Variants in TOP3B observed in about 807,000 individuals in gnomAD.
TOP3B encodes the protein DNA topoisomerase III beta.
In TOP3B, 45 loss-of-function variants were observed where a neutral mutation model predicts 93.9. The ratio of observed to expected loss-of-function variants is 0.48; its 90% CI spans 0.38 to 0.61. TOP3B has a LOEUF of 0.61. TOP3B is among the 20% of genes least tolerant of loss of function. The pLI, the probability that TOP3B is intolerant of heterozygous loss-of-function variation, is 0.00. For synonymous variants in TOP3B, 357 were observed against 472.6 expected, an observed-to-expected ratio of 0.76 and a Z score of 3.17; for missense variants, 750 against 1,156.1, an observed-to-expected ratio of 0.65 and a Z score of 5.09.
At chr22:21,981,169 G>A (rs2084623378) in intron 1 of TOP3B, among the ~76,000 whole-genome samples, 1 of 152,224 alleles carries the variant, frequency 6.6e-6, no homozygotes, top group South Asian at 2.1e-4. Context: ...ATGCCACAGA[G>A]TAGTCAGCAA....
At chr22:21,967,788 A>C in intron 7 of TOP3B, 72 bp from the exon 8 acceptor site, 1 of 1,190,030 alleles carries the variant, frequency 8.4e-7, no homozygotes, top group Non-Finnish European at 1.2e-6. Context: ...AGGAAGAACC[A>C]GGACAGATGA....
intron 7 of TOP3B, chr22:21,967,937 G>A (rs2145854275): frequency 5.6e-6 from 3 of 536,912 alleles, no homozygotes; most frequent in East Asian, 3.3e-5. Context: ...TCTCAGGAAG[G>A]TGGCCCAAAG....
chr22:21,962,610 G>C lies in TOP3B; in HGVS notation c.1352-8C>G, dbSNP rs569400890. 5 of 1,608,558 alleles carry C rather than the reference G, an allele frequency of 3.1e-6. No individual in the cohort carries two copies. The South Asian group carries it at 4.4e-5, about 14-fold the overall frequency. On this transcript the variant is annotated splice_region_variant and splice_polypyrimidine_tract_variant and intron_variant, in intron 12 of 17. Transcript: ENST00000357179. ...GCATGACCTCCGTGAAGCCTGGAGA[G>C]ATATGCGCCGCCACTCAGGGTCCCC...
At chr22:21,975,594 A>G in intron 2 of TOP3B, 46 bp downstream of exon 2, 2 of 1,558,508 alleles carry the variant, frequency 1.3e-6, no homozygotes, top group South Asian at 2.3e-5. Flanking sequence ...CCTGTAACAC[A>G]TAAACGACCG....
chr22:21,960,436 G>A lies in TOP3B; in HGVS notation c.1539C>T (p.Ser513=), dbSNP rs1275204022. The A allele has an allele frequency of 6.2e-7, 1 of 1,613,532 alleles. No individual in the cohort carries two copies. Among genetic ancestry groups the A allele is most frequent in the East Asian group, 2.2e-5 (1 of 44,870 alleles). ...AGATGTTGTTGATATGCACAGGGAT[G>A]CTGGCATCCGTGCCTGCAATGTACA... ...MEKHGIGTDA[S]IPVHINNICQ... The change falls in exon 14 of 18, where the codon AGC becomes AGT. Residue 513 remains serine, a synonymous_variant. Coordinates refer to ENST00000357179, the MANE Select transcript of TOP3B (RefSeq NM_001282112.2).
rs146812331 is a variant in TOP3B at position 21,965,744 on chromosome 22, G to T, written c.853-369C>A. On this transcript the variant is annotated intron_variant, in intron 8 of 17. Transcript: ENST00000357179. ...TAGCTGGGCATGGTGGAACGTGCCT[G>T]TAATCCAAGCTACTCGTGACGCTGA... The T allele has an allele frequency of 5.1e-3, 809 of 157,604 alleles. 10 individuals are homozygous for T. The highest frequency in any genetic ancestry group is 0.019 in the African/African-American group (773 of 41,632). The allele number at this position is 157,604 out of a possible 1,614,324, so 9.8% of individuals were successfully genotyped here. A position where few individuals can be genotyped will look rare whatever the true frequency, so the allele number is the denominator to read the frequency against.
At position 21,965,435 on chromosome 22, in the gene TOP3B, CAA is replaced by C. The variant is rs1254179942; in HGVS notation, c.853-62_853-61del. On this transcript the variant is annotated intron_variant, in intron 8 of 17. Coordinates refer to ENST00000357179, the MANE Select transcript of TOP3B (RefSeq NM_001282112.2). The stretch of plus-strand genomic sequence containing the variant: ...AGGAAGACACCACCATAGAGGGAAT[CAA>C]GATGTGTGGACGAAGGGTCTGGTTT... The C allele has an allele frequency of 2.6e-6, 3 of 1,143,712 alleles. No individual in the cohort carries two copies. In the Admixed American group the frequency reaches 7.1e-5, roughly 27 times the overall value. The allele number at this position is 1,143,712 out of a possible 1,614,324, so 70.8% of individuals were successfully genotyped here. A position where few individuals can be genotyped will look rare whatever the true frequency, so the allele number is the denominator to read the frequency against.
Position 21,964,145 on chromosome 22 carries a change from G to A in TOP3B, c.1098+16C>T. ...GTGACACACACACATGCTGAGGCCG[G>A]CCCGGCTCCACTCACCGTGTCGGCC... On this transcript the variant is annotated intron_variant, in intron 10 of 17. Transcript: ENST00000357179. 6.2e-7 allele frequency: 1 copy of A among 1,613,918 alleles called. No individual in the cohort carries two copies. Among genetic ancestry groups the A allele is most frequent in the Non-Finnish European group, 8.5e-7 (1 of 1,179,994 alleles).
intron 1 of TOP3B, among the ~76,000 whole-genome samples, chr22:21,978,176 G>C (rs1371756861): frequency 6.6e-6 from 1 of 152,064 alleles, no homozygotes; most frequent in Non-Finnish European, 1.5e-5. Flanking sequence ...AATGGGCCCT[G>C]GGTAGCAGTG....
chr22:21,977,920 G>C (rs2071947711), intron 1 of TOP3B, among the ~76,000 whole-genome samples: 1 of 152,084 alleles, frequency 6.6e-6, no homozygotes, highest in South Asian at 2.1e-4. Flanking sequence ...TGGGAGCAGG[G>C]GAGGGACAGG....
chr22:21,965,379 G>A lies in TOP3B; in HGVS notation c.853-4C>T. The A allele has an allele frequency of 6.3e-7, 1 of 1,596,946 alleles. No individual in the cohort carries two copies. The highest frequency in any genetic ancestry group is 8.5e-7 in the Non-Finnish European group (1 of 1,170,594). On this transcript the variant is annotated splice_polypyrimidine_tract_variant and splice_region_variant and intron_variant, in intron 8 of 17. Coordinates refer to ENST00000357179, the MANE Select transcript of TOP3B (RefSeq NM_001282112.2). ...CTTTCCTGCTTGTGGCCTCCACCTG[G>A]AAGACAGGACAGTCAATGATTTGGG... is the stretch of plus-strand genomic sequence containing the variant.
At chr22:21,957,969 C>T in intron 17 of TOP3B, 1 of 1,387,954 alleles carries the variant, frequency 7.2e-7, no homozygotes, top group Non-Finnish European at 9.5e-7. Flanking sequence ...GGGATGGGGT[C>T]TCACTCCCGG....
At chr22:21,968,900 C>G in intron 6 of TOP3B, 125 bp from the exon 7 acceptor site, 1 of 1,043,502 alleles carries the variant, frequency 9.6e-7, no homozygotes. Context: ...GGTGTCCCCA[C>G]TTAGAAGCCA....
At position 21,972,629 on chromosome 22, in the gene TOP3B, T is replaced by A; in HGVS notation, c.292A>T (p.Met98Leu). 6.2e-7 allele frequency: 1 copy of A among 1,610,564 alleles called. No individual in the cohort carries two copies. Among genetic ancestry groups the A allele is most frequent in the Non-Finnish European group, 8.5e-7 (1 of 1,178,976 alleles). ...EKKEANPKLNMVKFLQVEGRG... is the reference protein window; with the variant it reads ...EKKEANPKLNLVKFLQVEGRG... ...CCACGCACCTGCAGGAACTTCACCATGTTCAGCTTGGGGTTAGCTTCTTTC... is the reference window on the plus strand; with the variant it reads ...CCACGCACCTGCAGGAACTTCACCAAGTTCAGCTTGGGGTTAGCTTCTTTC... Residue 98 changes from methionine to leucine, a missense_variant, in exon 4 of 18, where the codon ATG becomes TTG. This residue lies in a region of TOP3B where 737 missense variants were observed against 933.7 expected (regional missense o/e 0.79). Coordinates refer to ENST00000357179, the MANE Select transcript of TOP3B (RefSeq NM_001282112.2).
At position 21,965,425 on chromosome 22, in the gene TOP3B, T is replaced by G. The variant is rs370121059; in HGVS notation, c.853-50A>C. On this transcript the variant is annotated intron_variant, in intron 8 of 17. Coordinates refer to ENST00000357179, the MANE Select transcript of TOP3B (RefSeq NM_001282112.2). ...TTGGGGAAGGAGGAAGACACCACCA[T>G]AGAGGGAATCAAGATGTGTGGACGA... 6.3e-6 allele frequency: 8 copies of G among 1,265,772 alleles called. No homozygotes were observed. In the South Asian group the frequency reaches 9.5e-5, roughly 15 times the overall value. The allele number at this position is 1,265,772 out of a possible 1,614,324, so 78.4% of individuals were successfully genotyped here.
chr22:21,972,703 C>T lies in TOP3B; in HGVS notation c.218G>A (p.Trp73Ter), dbSNP rs1313202876. 1.2e-6 allele frequency: 2 copies of T among 1,613,876 alleles called. No homozygotes were observed. Among genetic ancestry groups the T allele is most frequent in the South Asian group, 2.2e-5 (2 of 91,074 alleles). ...TLDFLGKYNK[W>*]DKVDPAELFS... ...CAGTTCTGCGGGGTCCACTTTGTCC[C>T]ATTTGTTGTATTTTCCTACAAACCA... The change falls in exon 4 of 18, where the codon TGG becomes TAG. Residue 73 changes from tryptophan (W) to a stop codon, truncating the protein, a stop_gained. Coordinates refer to ENST00000357179, the MANE Select transcript of TOP3B (RefSeq NM_001282112.2). LOFTEE classifies it high-confidence loss of function.
Position 21,959,751 on chromosome 22 carries a change from G to C in TOP3B, c.1655-15C>G. On this transcript the variant is annotated splice_polypyrimidine_tract_variant and intron_variant, in intron 14 of 17. Transcript: ENST00000357179. ...CAGCTCTGCATCTGCAAGTGGGCAG[G>C]GGGCAGATATTGCCCTGAGCACTCG... The C allele has an allele frequency of 6.2e-7, 1 of 1,610,934 alleles. No individual in the cohort carries two copies. The highest frequency in any genetic ancestry group is 1.1e-5 in the South Asian group (1 of 90,794).
intron 4 of TOP3B, 43 bp downstream of exon 4, chr22:21,972,569 T>G (rs777137496): frequency 7.6e-6 from 11 of 1,439,876 alleles, no homozygotes. Flanking sequence ...CTGTGGAGGG[T>G]GGGGAGCCCC....
intron 9 of TOP3B, 22 bp downstream of exon 9, chr22:21,965,263 T>A: frequency 6.4e-7 from 1 of 1,556,364 alleles, no homozygotes; most frequent in Non-Finnish European, 8.7e-7. Flanking sequence ...TCTGGTGACT[T>A]GAGAGAAATG....
Sources: allele counts gnomAD v4.1 joint callset (sites outside exome capture counted in the v4.1 genomes callset), GRCh38; gene constraint gnomAD v4.1.1; regional missense constraint gnomAD v4.1.1; transcripts MANE v1.5; gene names NCBI Gene and HGNC (gene_info 2026-07-23, HGNC 2026-07-21).